The following INVS variants were observed in gnomAD, a reference collection of about 807,000 sequenced individuals.
INVS encodes inversin, also known as inversion of embryo turning homolog.
In INVS, 86 loss-of-function variants were observed where a neutral mutation model predicts 108.8. That is an observed-to-expected ratio of 0.79 (90% CI 0.66 to 0.95). The LOEUF (loss-of-function observed/expected upper bound fraction) is 0.95, where lower values mean the gene tolerates loss of function less well. Among genes scored for constraint, INVS ranks in the 40% least tolerant of loss-of-function variants. INVS has a pLI of 0.00. For synonymous variants in INVS, 455 were observed against 473.5 expected, an observed-to-expected ratio of 0.96 and a Z score of 0.51; for missense variants, 1,169 against 1,297.4, an observed-to-expected ratio of 0.90 and a Z score of 1.52.
intron 3 of INVS, among the ~76,000 whole-genome samples, chr9:100,217,188 A>C (rs1831017345): frequency 2.0e-5 from 3 of 152,136 alleles, no homozygotes; most frequent in African/African-American, 7.2e-5. Context: ...ACACACCTAT[A>C]ATCCCAGCTA....
At chr9:100,178,148 T>C (rs1196384571) in intron 3 of INVS, among the ~76,000 whole-genome samples, 1 of 152,070 alleles carries the variant, frequency 6.6e-6, no homozygotes, top group African/African-American at 2.4e-5. Context: ...AGACCAAAGG[T>C]AGATAAATCC....
intron 3 of INVS, among the ~76,000 whole-genome samples, chr9:100,181,265 C>A (rs1033889229): frequency 1.3e-5 from 2 of 152,010 alleles, no homozygotes; most frequent in Non-Finnish European, 1.5e-5. Context: ...GAAGTTCTGG[C>A]CAGGGCAATC....
chr9:100,264,387 G>A (rs1275168954), intron 10 of INVS, among the ~76,000 whole-genome samples: 1 of 152,200 alleles, frequency 6.6e-6, no homozygotes, highest in Non-Finnish European at 1.5e-5. Context: ...GGAGGCTGAG[G>A]CGGGTGGATC....
At chr9:100,206,585 C>T (rs1349645200) in intron 3 of INVS, among the ~76,000 whole-genome samples, 4 of 152,012 alleles carry the variant, frequency 2.6e-5, no homozygotes, top group Non-Finnish European at 4.4e-5. Context: ...TCCTTTGCCC[C>T]TAAATTTCAG....
intron 1 of INVS, among the ~76,000 whole-genome samples, chr9:100,100,928 A>ATATGT (rs1163636437): frequency 4.3e-5 from 1 of 23,230 alleles, no homozygotes; most frequent in Admixed American, 7.6e-4. Flanking sequence ...GTATATATAT[A>ATATGT]ATATATATAA....
At chr9:100,268,512 A>G (rs1439351115) in intron 11 of INVS, among the ~76,000 whole-genome samples, 1 of 152,298 alleles carries the variant, frequency 6.6e-6, no homozygotes, top group East Asian at 1.9e-4. Context: ...CCCTCACTCA[A>G]GATGGAGTCC....
chr9:100,256,666 G>A (rs1184098509), intron 10 of INVS, among the ~76,000 whole-genome samples: 1 of 152,050 alleles, frequency 6.6e-6, no homozygotes, highest in Non-Finnish European at 1.5e-5. Flanking sequence ...CCTTCATTTT[G>A]TTATGTACCC....
chr9:100,160,260 G>A (rs776780932), intron 3 of INVS, among the ~76,000 whole-genome samples: 4 of 152,202 alleles, frequency 2.6e-5, no homozygotes, highest in Admixed American at 6.5e-5. Context: ...ACAGTCAGCC[G>A]CTGAGACAGG....
intron 3 of INVS, among the ~76,000 whole-genome samples, chr9:100,160,223 T>C (rs1399124610): frequency 2.0e-5 from 3 of 152,158 alleles, no homozygotes; most frequent in Non-Finnish European, 2.9e-5. Flanking sequence ...ACATTCTTCA[T>C]TGGTTTTAAA....
In INVS at chr9:100,292,551, C is replaced by T; in HGVS notation, c.2294C>T (p.Ala765Val). The T allele has an allele frequency of 6.2e-7, 1 of 1,614,170 alleles. No homozygotes were observed. The highest frequency in any genetic ancestry group is 8.5e-7 in the Non-Finnish European group (1 of 1,180,028). Reference sequence around the variant, plus strand: ...GGAGAGGACTCCAGGCGGGCAGCTGCAAGCCTTCCACCGCACGATAGCCAC... The same window carrying T: ...GGAGAGGACTCCAGGCGGGCAGCTGTAAGCCTTCCACCGCACGATAGCCAC... ...EKGEDSRRAA[A>V]SLPPHDSHWK... Residue 765 changes from alanine to valine, a missense_variant, in exon 14 of 17, where the codon GCA becomes GTA. By Grantham distance (64) the Ala-to-Val change is moderately conservative. Transcript: ENST00000262457.
chr9:100,136,339 A>G (rs1173149751), intron 3 of INVS, among the ~76,000 whole-genome samples: 1 of 152,224 alleles, frequency 6.6e-6, no homozygotes, highest in Non-Finnish European at 1.5e-5. Context: ...CCCACTTTCA[A>G]TAAATATTAA....
chr9:100,243,028 C>A (rs1309801141), intron 7 of INVS, among the ~76,000 whole-genome samples: 1 of 152,142 alleles, frequency 6.6e-6, no homozygotes, highest in African/African-American at 2.4e-5. Context: ...CTCTGTGATG[C>A]AAGTGATAGC....
chr9:100,165,702 T>A (rs997774028), intron 3 of INVS, among the ~76,000 whole-genome samples: 2 of 152,214 alleles, frequency 1.3e-5, no homozygotes, highest in African/African-American at 4.8e-5. Flanking sequence ...TTATTATCCT[T>A]AATTAGTATT....
chr9:100,275,673 A>G (rs929645440), intron 12 of INVS, among the ~76,000 whole-genome samples: 6 of 152,202 alleles, frequency 3.9e-5, no homozygotes, highest in African/African-American at 1.4e-4. Flanking sequence ...TTATGTTAGG[A>G]TGGCAGAAAT....
Position 100,301,455 on chromosome 9 carries a change from G to GCTAA in INVS, c.*784_*787dup, listed in dbSNP as rs1450937719. Among the ~76,000 whole-genome samples the GCTAA allele has an allele frequency of 3.9e-5, 6 of 152,186 alleles. No homozygotes were observed. The highest frequency in any genetic ancestry group is 1.2e-4 in the African/African-American group (5 of 41,448). On this transcript the variant is annotated 3_prime_UTR_variant, in exon 17 of 17. Transcript: ENST00000262457. ...GACCAGACTGTTCATGCAGCAAGGT[G>GCTAA]CTAACTCAGGCGTCAACGTTCTACT...
chr9:100,275,655 C>G (rs1184065029), intron 12 of INVS, among the ~76,000 whole-genome samples: 1 of 152,106 alleles, frequency 6.6e-6, no homozygotes, highest in Non-Finnish European at 1.5e-5. Flanking sequence ...TGTACCTTTC[C>G]CAGTTTATTA....
intron 5 of INVS, among the ~76,000 whole-genome samples, chr9:100,231,089 T>C (rs1249266453): frequency 6.6e-6 from 1 of 152,230 alleles, no homozygotes; most frequent in Non-Finnish European, 1.5e-5. Flanking sequence ...AAACTCCTTA[T>C]TTGTTTCGAA....
chr9:100,272,825 C>T, intron 11 of INVS, 39 bp from the exon 12 acceptor site: 1 of 1,553,232 alleles, frequency 6.4e-7, no homozygotes, highest in Non-Finnish European at 8.9e-7. Flanking sequence ...AAATTACATT[C>T]TAAAATTAAA....
chr9:100,277,842 G>A (rs1489333300), intron 12 of INVS, among the ~76,000 whole-genome samples: 2 of 152,068 alleles, frequency 1.3e-5, no homozygotes, highest in Admixed American at 6.5e-5. Context: ...AACTGAAAAG[G>A]TTAGAGCTAA....
Sources: allele counts gnomAD v4.1 joint callset (sites outside exome capture counted in the v4.1 genomes callset), GRCh38; gene constraint gnomAD v4.1.1; transcripts MANE v1.5; gene names NCBI Gene and HGNC (gene_info 2026-07-23, HGNC 2026-07-21).